TULP3: variants seen among roughly 807,000 people sequenced by gnomAD.
TULP3 encodes the protein TUB like protein 3.
In TULP3, 38 loss-of-function variants were observed where a neutral mutation model predicts 50.7. The ratio of observed to expected loss-of-function variants is 0.75; its 90% CI spans 0.58 to 0.98. The LOEUF (loss-of-function observed/expected upper bound fraction) is 0.98, where lower values mean the gene tolerates loss of function less well. Ranked by LOEUF, TULP3 falls within the 50% of genes least tolerant of loss-of-function variation. The pLI is 0.00. For missense variants in TULP3, 550 were observed against 568.0 expected (o/e 0.97, Z 0.32); for synonymous variants, 183 against 196.6 (o/e 0.93, Z 0.58).
intron 2 of TULP3, among the ~76,000 whole-genome samples, chr12:2,918,665 G>A (rs1218034831): frequency 2.7e-5 from 4 of 149,750 alleles, no homozygotes; most frequent in Admixed American, 1.3e-4. Flanking sequence ...CTCAGCCTCC[G>A]AGTAGCTGGG....
intron 4 of TULP3, among the ~76,000 whole-genome samples, chr12:2,925,345 G>A (rs1196888368): frequency 6.6e-6 from 1 of 152,186 alleles, no homozygotes; most frequent in Admixed American, 6.6e-5. Flanking sequence ...CTGACCTCCA[G>A]TTCCAATATA....
At chr12:2,894,951 G>A (rs1045747082) in intron 1 of TULP3, among the ~76,000 whole-genome samples, 7 of 152,024 alleles carry the variant, frequency 4.6e-5, no homozygotes, top group Admixed American at 2.0e-4. Context: ...TAACATTCCC[G>A]AAGAGAGAAA....
intron 1 of TULP3, among the ~76,000 whole-genome samples, chr12:2,903,388 C>T (rs2098180329): frequency 6.6e-6 from 1 of 151,114 alleles, no homozygotes; most frequent in Non-Finnish European, 1.5e-5. Context: ...CAGGGAGAAA[C>T]CCCGTCTCCA....
chr12:2,913,349 G>C (rs916034555), intron 2 of TULP3, among the ~76,000 whole-genome samples: 1 of 151,666 alleles, frequency 6.6e-6, no homozygotes, highest in African/African-American at 2.4e-5. Flanking sequence ...CTGGGCTCAA[G>C]CGATCCTCCC....
At chr12:2,909,695 G>A in intron 2 of TULP3, 115 bp downstream of exon 2, 3 of 1,109,300 alleles carry the variant, frequency 2.7e-6, no homozygotes, top group East Asian at 2.6e-5. Context: ...AAAGGAGAAG[G>A]CTCGGGTGGT....
chr12:2,898,079 CAAAAAA>C (rs59718569), intron 1 of TULP3, among the ~76,000 whole-genome samples: 14 of 93,196 alleles, frequency 1.5e-4, no homozygotes, highest in Non-Finnish European at 2.4e-4. Flanking sequence ...AACTAGATCT[CAAAAAA>C]AAAAAAAAAA....
Position 2,936,162 on chromosome 12 carries a change from C to A in TULP3, c.925-1469C>A, listed in dbSNP as rs181056008. ...GCAGGCACCTGTAATCCCAGCTACT[C>A]GGGAGGCTGAGGCAGGAGAATCGCT... On this transcript the variant is annotated intron_variant, in intron 8 of 10. Coordinates refer to ENST00000448120, the MANE Select transcript of TULP3 (RefSeq NM_003324.5). Among the ~76,000 whole-genome samples, 776 of 151,570 alleles carry A rather than the reference C, an allele frequency of 5.1e-3. 4 individuals are homozygous for A. The highest frequency in any genetic ancestry group is 0.017 in the African/African-American group (719 of 41,310).
rs1565510497 is a variant in TULP3 at position 2,939,314 on chromosome 12, A to AT, written c.1201dup (p.Tyr401LeufsTer12). 1 of 1,613,960 alleles carries AT rather than the reference A, an allele frequency of 6.2e-7. No homozygotes were observed. Among genetic ancestry groups the AT allele is most frequent in the Admixed American group, 1.7e-5 (1 of 59,948 alleles). On this transcript the variant is annotated frameshift_variant, in exon 11 of 11. Coordinates refer to ENST00000448120, the MANE Select transcript of TULP3 (RefSeq NM_003324.5). LOFTEE classifies it high-confidence loss of function. This position sits in a 1 kb window ranked among gnomAD's most constrained non-coding sequence, Gnocchi z 4.0. ...GTTGATTTCTTTCTGTTTCTAGCTGATTATATAGTCATGCAGTTTGGACGT... is the reference window on the plus strand; with the variant it reads ...GTTGATTTCTTTCTGTTTCTAGCTGATTTATATAGTCATGCAGTTTGGACGT...
At chr12:2,938,069 G>C (rs1292450446) in intron 9 of TULP3, 45 bp from the exon 10 acceptor site, 1 of 1,605,824 alleles carries the variant, frequency 6.2e-7, no homozygotes, top group East Asian at 2.2e-5. Flanking sequence ...CTACCTCGTA[G>C]AGTTGGAGTT....
intron 1 of TULP3, among the ~76,000 whole-genome samples, chr12:2,907,710 G>A (rs1317749951): frequency 8.1e-6 from 1 of 124,192 alleles, no homozygotes; most frequent in Non-Finnish European, 1.7e-5. Context: ...TAGCACTCTA[G>A]TTTTGTTTTT....
At chr12:2,905,104 A>G (rs1226919642) in intron 1 of TULP3, among the ~76,000 whole-genome samples, 1 of 150,700 alleles carries the variant, frequency 6.6e-6, no homozygotes, top group Non-Finnish European at 1.5e-5. Flanking sequence ...AGAATATTAA[A>G]TCAGAAAAAT....
intron 1 of TULP3, among the ~76,000 whole-genome samples, chr12:2,893,421 A>G (rs1603503653): frequency 6.9e-6 from 1 of 145,602 alleles, no homozygotes; most frequent in East Asian, 2.1e-4. Flanking sequence ...CCTGGGTTCC[A>G]GTGATTCTCC....
rs115410419 is a variant in TULP3 at position 2,934,186 on chromosome 12, T to A, written c.810-261T>A. 7.7e-3 allele frequency among the ~76,000 whole-genome samples: 1,178 copies of A among 152,280 alleles called. 18 individuals carry two copies. The highest frequency in any genetic ancestry group is 0.027 in the African/African-American group (1,118 of 41,556). ...TGACTTGAGCCTGGGAGTTTGAGGC[T>A]GCAGTGAGCTATGATCCCTGCCACT... On this transcript the variant is annotated intron_variant, in intron 7 of 10. Transcript: ENST00000448120.
intron 2 of TULP3, among the ~76,000 whole-genome samples, chr12:2,920,459 T>C (rs968839786): frequency 6.6e-6 from 1 of 151,716 alleles, no homozygotes; most frequent in Non-Finnish European, 1.5e-5. Context: ...CAGTGAGCTG[T>C]GATGGTGCCA....
At chr12:2,906,139 T>G (rs966640289) in intron 1 of TULP3, among the ~76,000 whole-genome samples, 4 of 150,778 alleles carry the variant, frequency 2.7e-5, no homozygotes, top group African/African-American at 9.7e-5. Context: ...CACACGATTC[T>G]CCTGCCTCAG....
chr12:2,920,530 T>C (rs1330193252), intron 2 of TULP3, among the ~76,000 whole-genome samples: 1 of 151,900 alleles, frequency 6.6e-6, no homozygotes, highest in Non-Finnish European at 1.5e-5. Flanking sequence ...AAAAAAAGCA[T>C]CATCTGATTT....
At chr12:2,895,155 A>G (rs2878279) in intron 1 of TULP3, among the ~76,000 whole-genome samples, 72,417 of 152,084 alleles carry the variant, frequency 0.48, 17,693 homozygotes, top group African/African-American at 0.59. Flanking sequence ...TTGCAAAATC[A>G]GGAGGGGTTT....
At chr12:2,921,669 G>T (rs1285560606) in intron 3 of TULP3, among the ~76,000 whole-genome samples, 1 of 152,162 alleles carries the variant, frequency 6.6e-6, no homozygotes, top group Non-Finnish European at 1.5e-5. Flanking sequence ...GCTTGTACAG[G>T]ATCTGTACTA....
chr12:2,925,085 G>A (rs1052372731), intron 4 of TULP3, among the ~76,000 whole-genome samples: 16 of 151,350 alleles, frequency 1.1e-4, no homozygotes, highest in South Asian at 8.3e-4. Flanking sequence ...CGAGAATGGC[G>A]TGAACCCGGG....
Sources: allele counts gnomAD v4.1 joint callset (sites outside exome capture counted in the v4.1 genomes callset), GRCh38; gene constraint gnomAD v4.1.1; non-coding constraint Gnocchi (gnomAD v3.1); transcripts MANE v1.5; gene names NCBI Gene and HGNC (gene_info 2026-07-23, HGNC 2026-07-21).